Variants in CCDC192 observed in about 807,000 individuals in gnomAD.
CCDC192 encodes the protein coiled-coil domain containing 192, also known as coiled-coil domain-containing protein 192.
intron 6 of CCDC192, among the ~76,000 whole-genome samples, chr5:127,891,709 T>C (rs1360511059): frequency 6.6e-6 from 1 of 152,216 alleles, no homozygotes; most frequent in Non-Finnish European, 1.5e-5. Context: ...TTTGTCCCAC[T>C]CTCACCTTGG....
At chr5:127,879,057 G>C (rs1173223527) in intron 6 of CCDC192, among the ~76,000 whole-genome samples, 1 of 151,164 alleles carries the variant, frequency 6.6e-6, no homozygotes, top group Non-Finnish European at 1.5e-5. Flanking sequence ...CATTGATTTT[G>C]TATCCTGAGA....
At chr5:127,748,787 G>A (rs1329886095) in intron 2 of CCDC192, among the ~76,000 whole-genome samples, 10 of 145,882 alleles carry the variant, frequency 6.9e-5, no homozygotes, top group Non-Finnish European at 1.4e-4. Flanking sequence ...ATTTCCTTGA[G>A]CAGTGGTTTG....
chr5:127,785,723 T>TA (rs1252997295), intron 3 of CCDC192: 1 of 213,600 alleles, frequency 4.7e-6, no homozygotes, highest in Non-Finnish European at 9.5e-6. Flanking sequence ...GAGTGTATCT[T>TA]CTAGTTCTGC....
chr5:127,826,550 A>G (rs923960872), intron 5 of CCDC192, among the ~76,000 whole-genome samples: 2 of 151,268 alleles, frequency 1.3e-5, no homozygotes, highest in Admixed American at 6.6e-5. Flanking sequence ...TTGGATAAAG[A>G]AAATGTGCTG....
chr5:127,813,885 C>T (rs935056188), intron 5 of CCDC192, among the ~76,000 whole-genome samples: 21 of 152,150 alleles, frequency 1.4e-4, no homozygotes, highest in African/African-American at 5.1e-4. Context: ...ACCTGAGCTT[C>T]TCATAGAAAG....
intron 5 of CCDC192, among the ~76,000 whole-genome samples, chr5:127,802,780 A>G (rs1435388602): frequency 6.6e-6 from 1 of 152,126 alleles, no homozygotes; most frequent in East Asian, 1.9e-4. Flanking sequence ...TCTTGTACAG[A>G]TTTTATTGAA....
intron 3 of CCDC192, among the ~76,000 whole-genome samples, chr5:127,761,244 G>C (rs2569147): frequency 6.6e-6 from 1 of 151,850 alleles, no homozygotes; most frequent in Non-Finnish European, 1.5e-5. Flanking sequence ...TGTTTATTGA[G>C]GATTCACTAT....
chr5:127,779,801 T>A (rs1756086884), intron 3 of CCDC192, among the ~76,000 whole-genome samples: 1 of 152,234 alleles, frequency 6.6e-6, no homozygotes, highest in Middle Eastern at 3.4e-3. Flanking sequence ...AGTTCTTTAG[T>A]GGTGATTTTT....
chr5:127,799,172 G>A (rs535070930), intron 5 of CCDC192, among the ~76,000 whole-genome samples: 47 of 152,270 alleles, frequency 3.1e-4, no homozygotes, highest in African/African-American at 1.0e-3. Context: ...AGACCTATGA[G>A]GTTGCCCTCC....
At chr5:127,738,484 C>T (rs1753171664) in intron 2 of CCDC192, among the ~76,000 whole-genome samples, 7 of 142,090 alleles carry the variant, frequency 4.9e-5, no homozygotes, top group African/African-American at 8.2e-5. Context: ...GCCTGCCTTG[C>T]TAGATTGGGG....
intron 5 of CCDC192, among the ~76,000 whole-genome samples, chr5:127,859,434 T>C (rs1292036823): frequency 6.6e-6 from 1 of 152,206 alleles, no homozygotes; most frequent in East Asian, 1.9e-4. Context: ...GGAATCTGGC[T>C]GTGCAACAGA....
intron 5 of CCDC192, among the ~76,000 whole-genome samples, chr5:127,800,057 G>A (rs1184716002): frequency 1.3e-5 from 2 of 151,834 alleles, no homozygotes; most frequent in African/African-American, 2.4e-5. Context: ...TAGATCACTC[G>A]TCACACTCTG....
At chr5:127,899,815 T>A (rs1467200083) in intron 6 of CCDC192, among the ~76,000 whole-genome samples, 5 of 152,228 alleles carry the variant, frequency 3.3e-5, no homozygotes, top group Non-Finnish European at 1.5e-5. Flanking sequence ...ATACCCTGAA[T>A]GTACAGCTGT....
intron 6 of CCDC192, among the ~76,000 whole-genome samples, chr5:127,910,043 AG>A (rs372863060): frequency 1.6e-3 from 241 of 152,344 alleles, no homozygotes; most frequent in African/African-American, 4.8e-3. Flanking sequence ...TGTTAAACTT[AG>A]ACAAAACAGG....
Position 127,941,358 on chromosome 5 carries a change from C to T in CCDC192, c.712C>T (p.Arg238Trp), listed in dbSNP as rs566547487. The change falls in exon 7 of 7, where the codon CGG (arginine) becomes TGG (tryptophan). Residue 238 changes from arginine (R) to tryptophan (W), a missense_variant. Coordinates refer to ENST00000514853, the MANE Select transcript of CCDC192 (RefSeq NM_001317938.2). ...GAAGATTCAGCAGCTGGAAGCTGAG[C>T]GGAGTCCCCATCCTCCCCAAGAGGT... ...ERKIQQLEAE[R>W]SPHPPQEVKD... 2.5e-6 allele frequency: 1 copy of T among 399,076 alleles called. No homozygotes were observed. Among genetic ancestry groups the T allele is most frequent in the Non-Finnish European group, 4.4e-6 (1 of 226,098 alleles). 24.7% of individuals were successfully genotyped at this position (399,076 alleles called of 1,614,324 possible). A position where few individuals can be genotyped will look rare whatever the true frequency, so the allele number is the denominator to read the frequency against.
At chr5:127,912,538 T>C (rs1281159512) in intron 6 of CCDC192, among the ~76,000 whole-genome samples, 1 of 151,836 alleles carries the variant, frequency 6.6e-6, no homozygotes, top group Non-Finnish European at 1.5e-5. Context: ...GCTTCTGCAC[T>C]TGCAGACATC....
chr5:127,792,193 T>C (rs1410505681), intron 3 of CCDC192, among the ~76,000 whole-genome samples: 2 of 152,162 alleles, frequency 1.3e-5, no homozygotes, highest in Non-Finnish European at 2.9e-5. Context: ...TGAGACTGGG[T>C]AATTTATAAA....
intron 5 of CCDC192, among the ~76,000 whole-genome samples, chr5:127,799,294 G>A (rs1336649264): frequency 6.6e-6 from 1 of 152,150 alleles, no homozygotes; most frequent in Non-Finnish European, 1.5e-5. Context: ...GAAGAGAAAA[G>A]CTAATCTGCT....
chr5:127,754,149 A>T (rs1227594055), intron 2 of CCDC192, 119 bp from the exon 3 acceptor site: 2 of 392,084 alleles, frequency 5.1e-6, no homozygotes, highest in East Asian at 7.2e-5. Flanking sequence ...GATTTGTGTG[A>T]GTTTATCAAG....
Sources: allele counts gnomAD v4.1 joint callset (sites outside exome capture counted in the v4.1 genomes callset), GRCh38; gene constraint gnomAD v4.1.1; transcripts MANE v1.5; gene names NCBI Gene and HGNC (gene_info 2026-07-23, HGNC 2026-07-21).